Variants in FHIT observed in about 807,000 individuals in gnomAD.
FHIT encodes bis(5'-adenosyl)-triphosphatase.
In FHIT, 19 loss-of-function variants were observed where a neutral mutation model predicts 17.9. The ratio of observed to expected loss-of-function variants is 1.06; its 90% CI spans 0.74 to 1.56. The LOEUF is 1.56. FHIT is among the 40% of genes most tolerant of loss of function. FHIT has a pLI of 0.00. For synonymous variants in FHIT, 81 were observed against 69.7 expected (o/e 1.16, Z -0.81); for missense variants, 248 against 189.2 (o/e 1.31, Z -1.82).
At chr3:61,053,664 G>GA (rs3054020) in intron 2 of FHIT, among the ~76,000 whole-genome samples, 3 of 149,636 alleles carry the variant, frequency 2.0e-5, no homozygotes, top group Non-Finnish European at 4.4e-5. Context: ...TCCGTCTCAA[G>GA]AAAAAAAAAA....
intron 5 of FHIT, among the ~76,000 whole-genome samples, chr3:60,374,440 A>G (rs770166061): frequency 3.9e-5 from 6 of 151,984 alleles, no homozygotes; most frequent in South Asian, 2.1e-4. Flanking sequence ...AAACAGGACT[A>G]AAAGCTTTAC....
At position 59,763,244 on chromosome 3, in the gene FHIT, G is replaced by C. The variant is rs182269374; in HGVS notation, c.349-10923C>G. Among the ~76,000 whole-genome samples the C allele has an allele frequency of 3.9e-4, 59 of 152,318 alleles. 1 individual carries two copies. The highest frequency in any genetic ancestry group is 1.4e-3 in the African/African-American group (57 of 41,554). ...TCTTTTTTCAAAGGTACCTTGCAGA[G>C]TCTTCGGAAGCACAGTGTAGGCAAG... On this transcript the variant is annotated intron_variant, in intron 8 of 9. Coordinates refer to ENST00000492590, the MANE Select transcript of FHIT (RefSeq NM_002012.4).
intron 5 of FHIT, among the ~76,000 whole-genome samples, chr3:60,351,526 G>A (rs1250207829): frequency 2.0e-5 from 3 of 152,146 alleles, no homozygotes; most frequent in African/African-American, 4.8e-5. Flanking sequence ...TGGAGACTAT[G>A]GTGAAGGAGT....
chr3:60,819,053 G>C (rs13094360), intron 4 of FHIT, among the ~76,000 whole-genome samples: 1 of 98,276 alleles, frequency 1.0e-5, no homozygotes, highest in African/African-American at 4.4e-5. Context: ...TTTTTTTTTT[G>C]TTTTTGGTCT....
At chr3:60,799,878 C>G (rs1452416187) in intron 4 of FHIT, among the ~76,000 whole-genome samples, 1 of 152,138 alleles carries the variant, frequency 6.6e-6, no homozygotes, top group South Asian at 2.1e-4. Context: ...TCTGTAAACT[C>G]TTTGAGAGCC....
intron 5 of FHIT, among the ~76,000 whole-genome samples, chr3:60,212,433 G>A (rs1166974203): frequency 2.6e-5 from 4 of 152,114 alleles, no homozygotes; most frequent in Non-Finnish European, 4.4e-5. Context: ...AGACCTCAAA[G>A]CACCAGAAGA....
At chr3:61,232,929 T>C (rs926823972) in intron 1 of FHIT, among the ~76,000 whole-genome samples, 1 of 152,146 alleles carries the variant, frequency 6.6e-6, no homozygotes, top group Non-Finnish European at 1.5e-5. Context: ...TATCTTTATA[T>C]AAGAAAGGAA....
In FHIT at chr3:60,490,335, G is replaced by T. The variant is rs145878820; in HGVS notation, c.103+46525C>A. On this transcript the variant is annotated intron_variant, in intron 5 of 9. Transcript: ENST00000492590. ...ACTCTCACCTTAGTTAACAAAATGTGTTATGGGTTCTGTGCACATCTGTTA... is the reference window on the plus strand; with the variant it reads ...ACTCTCACCTTAGTTAACAAAATGTTTTATGGGTTCTGTGCACATCTGTTA... Among the ~76,000 whole-genome samples the T allele has an allele frequency of 1.2e-3, 177 of 152,076 alleles. 1 individual carries two copies. The highest frequency in any genetic ancestry group is 4.1e-3 in the African/African-American group (172 of 41,504).
At chr3:61,022,887 C>T (rs1488791061) in intron 3 of FHIT, among the ~76,000 whole-genome samples, 2 of 152,142 alleles carry the variant, frequency 1.3e-5, no homozygotes, top group African/African-American at 4.8e-5. Flanking sequence ...CAGCCAATAT[C>T]CCACCAAATG....
At chr3:60,423,428 C>A (rs1431264892) in intron 5 of FHIT, among the ~76,000 whole-genome samples, 1 of 152,106 alleles carries the variant, frequency 6.6e-6, no homozygotes, top group Non-Finnish European at 1.5e-5. Context: ...GCTTTCTCAA[C>A]AGCTTGTCTA....
chr3:61,070,301 G>T (rs9817183), intron 2 of FHIT, among the ~76,000 whole-genome samples: 1 of 151,982 alleles, frequency 6.6e-6, no homozygotes, highest in African/African-American at 2.4e-5. Context: ...GGCAGGCTTC[G>T]GTATGTCAGA....
intron 2 of FHIT, among the ~76,000 whole-genome samples, chr3:61,184,059 T>C (rs1449145934): frequency 6.6e-6 from 1 of 152,088 alleles, no homozygotes; most frequent in Non-Finnish European, 1.5e-5. Context: ...GATGAGCACG[T>C]GCAGCCACAG....
At chr3:59,831,339 C>T (rs1575562248) in intron 8 of FHIT, among the ~76,000 whole-genome samples, 1 of 152,190 alleles carries the variant, frequency 6.6e-6, no homozygotes, top group East Asian at 1.9e-4. Context: ...CATGTGCTTG[C>T]CAGTCTACTA....
At chr3:61,224,952 T>C (rs2039933046) in intron 1 of FHIT, among the ~76,000 whole-genome samples, 1 of 152,154 alleles carries the variant, frequency 6.6e-6, no homozygotes, top group African/African-American at 2.4e-5. Flanking sequence ...CACCATGAGA[T>C]AAGTACTATT....
chr3:60,277,427 C>A lies in FHIT; in HGVS notation c.103+259433G>T, dbSNP rs758117086. On this transcript the variant is annotated intron_variant, in intron 5 of 9. Coordinates refer to ENST00000492590, the MANE Select transcript of FHIT (RefSeq NM_002012.4). ...GAAGCTTGCAATGGATGAATGCCAG[C>A]AGTTGTGCCAATAAGAAAAAGCTAC... Among the ~76,000 whole-genome samples, 2 of 152,186 alleles carry A rather than the reference C, an allele frequency of 1.3e-5. 1 individual carries two copies.
rs927529491 is a variant in FHIT, at chr3:60,981,818, G to A, written c.-111+60229C>T. Among the ~76,000 whole-genome samples the A allele has an allele frequency of 7.2e-5, 11 of 151,822 alleles. No homozygotes were observed. In the East Asian group the frequency reaches 1.7e-3, roughly 24 times the overall value. On this transcript the variant is annotated intron_variant, in intron 3 of 9. Transcript: ENST00000492590. ...GGGTCTTGCCATGTTACCCAGGCTG[G>A]TCTCAAACTCCTGGACTCAAGTGAT...
chr3:59,767,114 T>A (rs1380532233), intron 8 of FHIT, among the ~76,000 whole-genome samples: 2 of 152,210 alleles, frequency 1.3e-5, no homozygotes, highest in African/African-American at 4.8e-5. Flanking sequence ...AGAAAACTCA[T>A]CTACTTACAA....
chr3:60,629,966 T>C (rs1187015960), intron 4 of FHIT, among the ~76,000 whole-genome samples: 2 of 152,188 alleles, frequency 1.3e-5, no homozygotes, highest in Non-Finnish European at 2.9e-5. Flanking sequence ...ATTTTTTGAA[T>C]GACAGTGTCA....
intron 7 of FHIT, among the ~76,000 whole-genome samples, chr3:59,996,363 C>A (rs889492659): frequency 6.6e-6 from 1 of 151,834 alleles, no homozygotes; most frequent in Non-Finnish European, 1.5e-5. Flanking sequence ...TCAATTTAGG[C>A]AAAAAATACA....
Sources: gnomAD v4.1 joint callset for allele counts (sites outside exome capture counted in the v4.1 genomes callset) on GRCh38, gnomAD v4.1.1 for gene constraint, MANE v1.5 for transcripts, NCBI Gene and HGNC (gene_info 2026-07-23, HGNC 2026-07-21) for gene names.